The following RPS6KA2 variants were observed in gnomAD, a reference collection of about 807,000 sequenced individuals.
RPS6KA2 encodes ribosomal protein S6 kinase A2, also known as ribosomal protein S6 kinase alpha-2.
RPS6KA2 carries 42 observed loss-of-function variants against 91.8 expected under a neutral mutation model. The ratio of observed to expected loss-of-function variants is 0.46; its 90% confidence interval spans 0.36 to 0.59. The LOEUF is 0.59. Ranked by LOEUF, RPS6KA2 falls within the 20% of genes least tolerant of loss-of-function variation. The pLI, the probability that RPS6KA2 is intolerant of heterozygous loss-of-function variation, is 0.00. For synonymous variants in RPS6KA2, 414 were observed against 393.6 expected (o/e 1.05, Z -0.61); for missense variants, 798 against 978.5 (o/e 0.82, Z 2.46).
In RPS6KA2 at chr6:166,786,247, A is replaced by G. The variant is rs749379723; in HGVS notation, c.123+71953T>C. On this transcript the variant is annotated intron_variant, in intron 2 of 21. Coordinates refer to the RPS6KA2 transcript ENST00000503859. ...GAACACAGGAGTGGCAGCCTGGCTC[A>G]GCCAGCCCAGAAAAATGTCTTTAAA... 3.6e-4 allele frequency among the ~76,000 whole-genome samples: 55 copies of G among 152,378 alleles called. 2 individuals are homozygous for G. Among genetic ancestry groups the G allele is most frequent in the Non-Finnish European group, 6.3e-4 (43 of 68,030 alleles).
Position 166,767,924 on chromosome 6 carries a change from C to T in RPS6KA2, c.123+90276G>A, listed in dbSNP as rs1307395761. Reference sequence around the variant, plus strand: ...AAACCTTGGGGGTTTTATTTTTCCACGACTGTGGAGTCTGCCTCTGTGTCC... The same window carrying T: ...AAACCTTGGGGGTTTTATTTTTCCATGACTGTGGAGTCTGCCTCTGTGTCC... On this transcript the variant is annotated intron_variant, in intron 2 of 21. Coordinates refer to the RPS6KA2 transcript ENST00000503859. This position sits in a 1 kb window ranked among gnomAD's most constrained non-coding sequence, Gnocchi z 4.6. Among the ~76,000 whole-genome samples the T allele has an allele frequency of 3.9e-5, 6 of 152,160 alleles. No individual in the cohort carries two copies. The South Asian group carries it at 1.2e-3, about 32-fold the overall frequency.
intron 2 of RPS6KA2, among the ~76,000 whole-genome samples, chr6:166,647,762 A>G (rs1787657886): frequency 6.6e-6 from 1 of 151,920 alleles, no homozygotes; most frequent in African/African-American, 2.4e-5. Flanking sequence ...ACACACACAC[A>G]CGCACATGCT....
chr6:166,638,016 C>T (rs955494458), intron 2 of RPS6KA2, among the ~76,000 whole-genome samples: 1 of 152,382 alleles, frequency 6.6e-6, no homozygotes, highest in East Asian at 1.9e-4. Flanking sequence ...GAGTTTGTGG[C>T]CACAGCCAGC....
intron 3 of RPS6KA2, among the ~76,000 whole-genome samples, chr6:166,521,890 G>A (rs550589496): frequency 4.6e-5 from 7 of 152,312 alleles, no homozygotes; most frequent in East Asian, 1.9e-4. Flanking sequence ...GTTTTAGGTG[G>A]GGCCTCCGGG....
Position 166,843,108 on chromosome 6 carries a change from C to T in RPS6KA2, c.123+15092G>A, listed in dbSNP as rs138860251. ...ATGGGAGCAGGGTGAGGCCTGTGAC[C>T]GCCGCCTTTACCCCACTTTCCTGGT... On this transcript the variant is annotated intron_variant, in intron 2 of 21. Transcript: ENST00000503859. 1.8e-4 allele frequency among the ~76,000 whole-genome samples: 27 copies of T among 152,168 alleles called. No individual in the cohort carries two copies. The East Asian group carries it at 1.9e-3, about 11-fold the overall frequency.
intron 1 of RPS6KA2, among the ~76,000 whole-genome samples, chr6:166,598,510 C>G (rs1785621211): frequency 6.6e-6 from 1 of 152,112 alleles, no homozygotes; most frequent in Non-Finnish European, 1.5e-5. Context: ...ATTGCAAAAC[C>G]AATTCTGGAT....
chr6:166,773,482 A>T (rs1472779517), intron 2 of RPS6KA2, among the ~76,000 whole-genome samples: 1 of 151,758 alleles, frequency 6.6e-6, no homozygotes, highest in Admixed American at 6.6e-5. Context: ...GCTCACTGCA[A>T]CCTCTGCCCC....
chr6:166,498,216 C>G (rs1478912636), intron 8 of RPS6KA2, among the ~76,000 whole-genome samples: 1 of 152,232 alleles, frequency 6.6e-6, no homozygotes, highest in Non-Finnish European at 1.5e-5. Flanking sequence ...ATCATGGCAT[C>G]TCTTGTAATC....
chr6:166,769,263 C>A (rs1464512383), intron 2 of RPS6KA2, among the ~76,000 whole-genome samples: 2 of 152,196 alleles, frequency 1.3e-5, no homozygotes, highest in African/African-American at 2.4e-5. Context: ...AATAATAAAA[C>A]TTTTTCATTT....
At chr6:166,661,204 G>A (rs370451532) in intron 2 of RPS6KA2, among the ~76,000 whole-genome samples, 3 of 152,072 alleles carry the variant, frequency 2.0e-5, no homozygotes, top group East Asian at 1.9e-4. Context: ...GGATTCAAGC[G>A]ATTCTCCTGC....
chr6:166,816,714 C>T (rs1402070112), intron 2 of RPS6KA2, among the ~76,000 whole-genome samples: 1 of 152,188 alleles, frequency 6.6e-6, no homozygotes, highest in East Asian at 1.9e-4. Flanking sequence ...TGTTACTCCA[C>T]AGGAAGTATT....
chr6:166,822,153 G>A (rs1779920775), intron 2 of RPS6KA2, among the ~76,000 whole-genome samples: 1 of 152,212 alleles, frequency 6.6e-6, no homozygotes, highest in Non-Finnish European at 1.5e-5. Flanking sequence ...AAGAAAATCT[G>A]ACTCTAGCAA....
intron 2 of RPS6KA2, among the ~76,000 whole-genome samples, chr6:166,781,736 T>C (rs907860615): frequency 1.3e-4 from 20 of 152,048 alleles, no homozygotes; most frequent in African/African-American, 4.8e-4. Context: ...ATCTCTGAGA[T>C]GCAGCAGAGA....
chr6:166,680,611 C>G (rs1788770219), intron 2 of RPS6KA2, among the ~76,000 whole-genome samples: 1 of 152,174 alleles, frequency 6.6e-6, no homozygotes, highest in South Asian at 2.1e-4. Context: ...GAGGGACGAA[C>G]AACTCTGGAC....
chr6:166,413,984 G>C, intron 19 of RPS6KA2, 53 bp from the exon 20 acceptor site: 1 of 1,568,220 alleles, frequency 6.4e-7, no homozygotes, highest in East Asian at 2.2e-5. Flanking sequence ...TTTGTGCTGG[G>C]TCAGAGAGCC....
At chr6:166,545,385 G>A (rs1783793357) in intron 1 of RPS6KA2, among the ~76,000 whole-genome samples, 1 of 152,206 alleles carries the variant, frequency 6.6e-6, no homozygotes, top group Non-Finnish European at 1.5e-5. Flanking sequence ...CAATCTAGGA[G>A]TGGGCTGGCT....
intron 1 of RPS6KA2, among the ~76,000 whole-genome samples, chr6:166,553,375 C>T (rs574886810): frequency 4.9e-4 from 74 of 152,042 alleles, no homozygotes; most frequent in African/African-American, 1.7e-3. Flanking sequence ...CTGCCCACCA[C>T]GGACTCCCAA....
intron 2 of RPS6KA2, among the ~76,000 whole-genome samples, chr6:166,672,568 T>C (rs1325783810): frequency 6.6e-6 from 1 of 152,210 alleles, no homozygotes; most frequent in African/African-American, 2.4e-5. Flanking sequence ...CAATTCTTTT[T>C]CTTGGTTTCT....
At chr6:166,432,351 G>A (rs929147411) in intron 15 of RPS6KA2, 50 bp downstream of exon 15, 1 of 1,236,418 alleles carries the variant, frequency 8.1e-7, no homozygotes, top group Admixed American at 1.8e-5. Context: ...TTTTGTGTCA[G>A]TTGAAGAAAC....
Sources: allele counts gnomAD v4.1 joint callset (sites outside exome capture counted in the v4.1 genomes callset), GRCh38; gene constraint gnomAD v4.1.1; non-coding constraint Gnocchi (gnomAD v3.1); transcripts MANE v1.5; gene names NCBI Gene and HGNC (gene_info 2026-07-23, HGNC 2026-07-21).